Variants in BMPR2 observed in about 807,000 individuals in gnomAD.
The protein encoded by BMPR2 is bone morphogenetic protein receptor type-2.
A neutral mutation model predicts 100.8 loss-of-function variants in BMPR2; 29 were observed. That is an observed-to-expected ratio of 0.29 (90% CI 0.21 to 0.39). The LOEUF (loss-of-function observed/expected upper bound fraction) is 0.39. Among genes scored for constraint, BMPR2 ranks in the 10% least tolerant of loss-of-function variants. The pLI is 1.00. For synonymous variants in BMPR2, 382 were observed against 442.3 expected (o/e 0.86, Z 1.71); for missense variants, 1,011 against 1,274.5 (o/e 0.79, Z 3.15).
At chr2:202,422,858 G>A (rs547096707) in intron 1 of BMPR2, among the ~76,000 whole-genome samples, 3 of 151,622 alleles carry the variant, frequency 2.0e-5, no homozygotes, top group African/African-American at 4.8e-5. Context: ...TCTGTTTTTC[G>A]TAGAGATGGG....
chr2:202,541,973 T>A (rs1202125580), intron 9 of BMPR2, among the ~76,000 whole-genome samples: 11 of 151,800 alleles, frequency 7.2e-5, no homozygotes, highest in Non-Finnish European at 1.6e-4. Flanking sequence ...TAGCTGGACG[T>A]GGTGGTGTGC....
intron 1 of BMPR2, among the ~76,000 whole-genome samples, chr2:202,454,544 A>T (rs778922865): frequency 6.6e-6 from 1 of 152,148 alleles, no homozygotes; most frequent in African/African-American, 2.4e-5. Context: ...TAACTTATCT[A>T]GTTACTTGTT....
chr2:202,413,706 C>A (rs1162360416), intron 1 of BMPR2, among the ~76,000 whole-genome samples: 1 of 151,544 alleles, frequency 6.6e-6, no homozygotes, highest in Non-Finnish European at 1.5e-5. Context: ...ACTCTGTTGC[C>A]CAGGCTGGAG....
intron 1 of BMPR2, among the ~76,000 whole-genome samples, chr2:202,463,657 G>A (rs1462343680): frequency 6.6e-5 from 10 of 152,240 alleles, no homozygotes; most frequent in South Asian, 2.1e-4. Context: ...TATTGCTTTC[G>A]ATAACCTTTT....
At chr2:202,447,735 T>TAGTA (rs1322242339) in intron 1 of BMPR2, among the ~76,000 whole-genome samples, 1 of 150,828 alleles carries the variant, frequency 6.6e-6, no homozygotes, top group South Asian at 2.1e-4. Context: ...AATAATGTTC[T>TAGTA]AGTAAGTAAG....
At chr2:202,462,328 C>G (rs918794675) in intron 1 of BMPR2, among the ~76,000 whole-genome samples, 1 of 149,446 alleles carries the variant, frequency 6.7e-6, no homozygotes, top group Admixed American at 6.8e-5. Context: ...TCAACTGATT[C>G]TCCTGCCTCA....
At chr2:202,394,889 TA>T (rs1690627712) in intron 1 of BMPR2, among the ~76,000 whole-genome samples, 1 of 31,872 alleles carries the variant, frequency 3.1e-5, no homozygotes, top group African/African-American at 1.4e-4. Flanking sequence ...TACTTTTTTT[TA>T]TTTTTTTTTT....
chr2:202,556,626 A>G (rs1441768102), intron 12 of BMPR2, 95 bp downstream of exon 12: 4 of 1,394,342 alleles, frequency 2.9e-6, no homozygotes, highest in Non-Finnish European at 4.0e-6. Flanking sequence ...TCAACTAGTG[A>G]TTATTTACCT....
chr2:202,465,372 AGC>A (rs1418095394), intron 2 of BMPR2, among the ~76,000 whole-genome samples: 7 of 152,106 alleles, frequency 4.6e-5, no homozygotes, highest in African/African-American at 1.7e-4. Flanking sequence ...TGGGCAACAG[AGC>A]AAGACTCCAT....
In BMPR2 at chr2:202,534,572, T is replaced by TG. The variant is rs561122158; in HGVS notation, c.1276+1845dup. 5.3e-5 allele frequency among the ~76,000 whole-genome samples: 8 copies of TG among 152,294 alleles called. No individual in the cohort carries two copies. In the South Asian group the frequency reaches 1.7e-3, roughly 32 times the overall value. ...GCACATGTTTCAGAGAGCACAGGGTTGGGGGCAAGGTCACAGATCAACAGG... is the reference window on the plus strand; with the variant it reads ...GCACATGTTTCAGAGAGCACAGGGTTGGGGGGCAAGGTCACAGATCAACAGG... On this transcript the variant is annotated intron_variant, in intron 9 of 12. Coordinates refer to ENST00000374580, the MANE Select transcript of BMPR2 (RefSeq NM_001204.7).
chr2:202,538,240 G>A (rs2106027195), intron 9 of BMPR2, among the ~76,000 whole-genome samples: 1 of 152,150 alleles, frequency 6.6e-6, no homozygotes, highest in Middle Eastern at 3.4e-3. Context: ...GATCATTTGA[G>A]GTCAGGAGTT....
Position 202,377,322 on chromosome 2 carries a change from G to T in BMPR2, c.-153G>T. On this transcript the variant is annotated 5_prime_UTR_variant, in exon 1 of 13. It adds an upstream start codon to the 5' untranslated region. Transcript: ENST00000374580. Reference sequence around the variant, plus strand: ...CAGCGGCATGAAAGCTCTGCAGCTAGGTCCTCTCATCAGCCATTTGTCCTT... The same window carrying T: ...CAGCGGCATGAAAGCTCTGCAGCTATGTCCTCTCATCAGCCATTTGTCCTT... 1 of 759,190 alleles carries T rather than the reference G, an allele frequency of 1.3e-6. No individual in the cohort carries two copies. The highest frequency in any genetic ancestry group is 2.6e-5 in the East Asian group (1 of 38,530). 47.0% of individuals were successfully genotyped at this position (759,190 alleles called of 1,614,324 possible).
At chr2:202,397,516 T>A (rs79252208) in intron 1 of BMPR2, among the ~76,000 whole-genome samples, 1 of 151,186 alleles carries the variant, frequency 6.6e-6, no homozygotes, top group Non-Finnish European at 1.5e-5. Context: ...TTTTTTTTTT[T>A]GAGTCAGGGT....
chr2:202,434,933 A>ATATATATATATTTATT (rs1483284948), intron 1 of BMPR2, among the ~76,000 whole-genome samples: 2 of 82,020 alleles, frequency 2.4e-5, no homozygotes, highest in African/African-American at 1.0e-4. Context: ...ATATATATAT[A>ATATATATATATTTATT]TATTTATTTA....
chr2:202,389,543 A>G (rs1421689235), intron 1 of BMPR2, among the ~76,000 whole-genome samples: 1 of 151,758 alleles, frequency 6.6e-6, no homozygotes, highest in African/African-American at 2.4e-5. Context: ...AAAAAAAAAA[A>G]AAGACTTGTT....
In BMPR2 at chr2:202,563,850, A is replaced by G. The variant is rs1247513791; in HGVS notation, c.*3904A>G. 2.0e-5 allele frequency: 3 copies of G among 152,228 alleles called. No individual in the cohort carries two copies. Among genetic ancestry groups the G allele is most frequent in the East Asian group, 1.9e-4 (1 of 5,206 alleles). 9.4% of individuals were successfully genotyped at this position (152,228 alleles called of 1,614,324 possible). On this transcript the variant is annotated 3_prime_UTR_variant, in exon 13 of 13. Coordinates refer to ENST00000374580, the MANE Select transcript of BMPR2 (RefSeq NM_001204.7). The stretch of plus-strand genomic sequence containing the variant: ...ATAACTTTAGAAAATTTACTAATCT[A>G]TAGAACTAATTGAGTAGGATATAGG...
At chr2:202,417,744 C>T (rs937619164) in intron 1 of BMPR2, among the ~76,000 whole-genome samples, 3 of 148,824 alleles carry the variant, frequency 2.0e-5, no homozygotes, top group African/African-American at 7.5e-5. Context: ...TTTGAGACAG[C>T]GTCTCACTCT....
At chr2:202,534,172 G>A (rs1688079622) in intron 9 of BMPR2, among the ~76,000 whole-genome samples, 1 of 148,592 alleles carries the variant, frequency 6.7e-6, no homozygotes, top group Non-Finnish European at 1.5e-5. Context: ...TCAAGTGTGT[G>A]TATATATATA....
intron 2 of BMPR2, among the ~76,000 whole-genome samples, chr2:202,466,205 A>C (rs1386033272): frequency 6.6e-6 from 1 of 152,196 alleles, no homozygotes; most frequent in Non-Finnish European, 1.5e-5. Context: ...AAAAATTTCC[A>C]TGTGGCTTTC....
Sources: allele counts gnomAD v4.1 joint callset (sites outside exome capture counted in the v4.1 genomes callset), GRCh38; gene constraint gnomAD v4.1.1; transcripts MANE v1.5; gene names NCBI Gene and HGNC (gene_info 2026-07-23, HGNC 2026-07-21).